SULF2: variants seen among roughly 807,000 people sequenced by gnomAD.
SULF2 encodes the protein extracellular sulfatase Sulf-2.
SULF2 carries 52 observed loss-of-function variants against 107.7 expected under a neutral mutation model. The ratio of observed to expected loss-of-function variants is 0.48; its 90% CI spans 0.39 to 0.61. The LOEUF (loss-of-function observed/expected upper bound fraction) is 0.61, where lower values mean the gene tolerates loss of function less well. Ranked by LOEUF, SULF2 falls within the 20% of genes least tolerant of loss-of-function variation. The probability of loss-of-function intolerance (pLI) is 0.00; values close to 1 mark genes in which losing one functional copy is unlikely to be tolerated. For missense variants in SULF2, 993 were observed against 1,177.3 expected (o/e 0.84, Z 2.29); for synonymous variants, 460 against 464.3 (o/e 0.99, Z 0.12).
rs112911747 is a variant in SULF2, at chr20:47,678,416, T to A, written c.1193+260A>T. The A allele has an allele frequency of 2.1e-6, 1 of 468,092 alleles. No homozygotes were observed. The highest frequency in any genetic ancestry group is 6.1e-4 in the Middle Eastern group (1 of 1,650). 29.0% of individuals were successfully genotyped at this position (468,092 alleles called of 1,614,324 possible). On this transcript the variant is annotated intron_variant, in intron 8 of 20. Transcript: ENST00000688720. This position sits in a 1 kb window ranked among gnomAD's most constrained non-coding sequence, Gnocchi z 4.5. Reference sequence around the variant, plus strand: ...CCATCTCCTACCATCACTGCTGCTATCATTTCAAGCTTTGGGTAATTTTAG... The same window carrying A: ...CCATCTCCTACCATCACTGCTGCTAACATTTCAAGCTTTGGGTAATTTTAG...
intron 1 of SULF2, among the ~76,000 whole-genome samples, chr20:47,762,732 G>A (rs1180406051): frequency 1.3e-5 from 2 of 152,210 alleles, no homozygotes; most frequent in Non-Finnish European, 2.9e-5. Context: ...TCTTCATTGG[G>A]AGCCCTGGGC....
In SULF2 at chr20:47,694,610, G is replaced by A. The variant is rs371409923; in HGVS notation, c.568-4315C>T. Among the ~76,000 whole-genome samples, 108 of 151,680 alleles carry A rather than the reference G, an allele frequency of 7.1e-4. No individual in the cohort carries two copies. Among genetic ancestry groups the A allele is most frequent in the African/African-American group, 2.4e-3 (97 of 41,042 alleles). On this transcript the variant is annotated intron_variant, in intron 4 of 20. Transcript: ENST00000688720. The surrounding 1 kb of genome is among the most constrained non-coding windows in gnomAD (Gnocchi z 4.4). ...ACAGCTGGGACCCCGAGGTGCAACC[G>A]GCCCCCTCTGGCAAGCACCCTCTGA...
intron 7 of SULF2, among the ~76,000 whole-genome samples, chr20:47,681,434 G>A (rs554977551): frequency 9.9e-5 from 15 of 152,226 alleles, no homozygotes; most frequent in Non-Finnish European, 1.8e-4. Flanking sequence ...CACAGATTCC[G>A]AGGCTGACCA....
chr20:47,672,814 C>T (rs2087522141), intron 10 of SULF2, among the ~76,000 whole-genome samples: 1 of 152,202 alleles, frequency 6.6e-6, no homozygotes, highest in South Asian at 2.1e-4. Context: ...CTGGCCTACC[C>T]ATCGGTCCTC....
At chr20:47,681,212 C>T (rs1483104378) in intron 7 of SULF2, among the ~76,000 whole-genome samples, 2 of 152,160 alleles carry the variant, frequency 1.3e-5, no homozygotes, top group Non-Finnish European at 2.9e-5. Context: ...TCCAGCCATG[C>T]CTGAGGCTGG....
At chr20:47,766,093 G>T (rs2090523339) in intron 1 of SULF2, among the ~76,000 whole-genome samples, 1 of 152,132 alleles carries the variant, frequency 6.6e-6, no homozygotes, top group South Asian at 2.1e-4. Flanking sequence ...GAAACAGAGA[G>T]AGGCCCCTGG....
At chr20:47,720,669 G>A (rs1439855916) in intron 3 of SULF2, among the ~76,000 whole-genome samples, 3 of 151,862 alleles carry the variant, frequency 2.0e-5, no homozygotes, top group Non-Finnish European at 4.4e-5. Context: ...GACTCAGGCT[G>A]CCAGCTGCCA....
rs2090912813 is a variant in SULF2 at position 47,785,454 on chromosome 20, C to CGCCGCCGCCGCT, written c.-213_-212insAGCGGCGGCGGC. 1 of 153,296 alleles carries CGCCGCCGCCGCT rather than the reference C, an allele frequency of 6.5e-6. No homozygotes were observed. Among genetic ancestry groups the CGCCGCCGCCGCT allele is most frequent in the African/African-American group, 2.6e-5 (1 of 38,780 alleles). 9.5% of individuals were successfully genotyped at this position (153,296 alleles called of 1,614,324 possible). ...GACTCCGCGCCGCCGCTGCCGCTGC[C>CGCCGCCGCCGCT]GCCGCCGCCGCCGCCGCTGCCGCTG... On this transcript the variant is annotated 5_prime_UTR_variant, in exon 1 of 21. Transcript: ENST00000688720.
intron 13 of SULF2, 112 bp from the exon 14 acceptor site, chr20:47,665,405 C>T: frequency 5.1e-6 from 4 of 785,240 alleles, no homozygotes; most frequent in South Asian, 1.5e-5. Flanking sequence ...CGGCAGCCTG[C>T]ACTCCCCGGG....
chr20:47,726,372 A>AT (rs111536289), intron 3 of SULF2, among the ~76,000 whole-genome samples: 5,229 of 146,456 alleles, frequency 0.036, 307 homozygotes, highest in African/African-American at 0.12. Context: ...TGTCCAGCTA[A>AT]TTTTTTTTTT....
intron 8 of SULF2, among the ~76,000 whole-genome samples, chr20:47,677,400 C>CTGTGTGTGTGTG (rs58936261): frequency 6.3e-5 from 9 of 143,918 alleles, no homozygotes; most frequent in African/African-American, 1.5e-4. Context: ...ACCCAAGTAA[C>CTGTGTGTGTGTG]TGTGTGTGTG....
Position 47,702,673 on chromosome 20 carries a change from G to A in SULF2, c.416-3C>T. 2 of 1,613,646 alleles carry A rather than the reference G, an allele frequency of 1.2e-6. No homozygotes were observed. The highest frequency in any genetic ancestry group is 1.7e-6 in the Non-Finnish European group (2 of 1,179,912). On this transcript the variant is annotated splice_polypyrimidine_tract_variant and splice_region_variant and intron_variant, in intron 3 of 20. Transcript: ENST00000688720. ...ATTAAGATACTTCCCGAAGAAAGCTGCGGAGGGAGATGGATCAGGAGGCCA... is the reference window on the plus strand; with the variant it reads ...ATTAAGATACTTCCCGAAGAAAGCTACGGAGGGAGATGGATCAGGAGGCCA...
chr20:47,707,155 A>AT (rs145432418), intron 3 of SULF2, among the ~76,000 whole-genome samples: 1,779 of 151,824 alleles, frequency 0.012, 33 homozygotes, highest in African/African-American at 0.041. Context: ...CACCTGGCTA[A>AT]TTTTTGTATT....
At chr20:47,751,528 G>A (rs1293817820) in intron 2 of SULF2, among the ~76,000 whole-genome samples, 6 of 152,192 alleles carry the variant, frequency 3.9e-5, no homozygotes, top group Admixed American at 6.5e-5. Flanking sequence ...CCTGTATGGT[G>A]TTCATGTGGG....
chr20:47,778,028 C>T (rs998616140), intron 1 of SULF2, among the ~76,000 whole-genome samples: 3 of 151,890 alleles, frequency 2.0e-5, no homozygotes, highest in African/African-American at 7.3e-5. Flanking sequence ...ATAGTCCCAC[C>T]TACTTGGGAG....
At chr20:47,765,815 C>G (rs1455810444) in intron 1 of SULF2, among the ~76,000 whole-genome samples, 1 of 152,212 alleles carries the variant, frequency 6.6e-6, no homozygotes, top group Non-Finnish European at 1.5e-5. Context: ...AGAGCCTACT[C>G]TTTTGACACT....
At chr20:47,759,873 T>C (rs1299916862) in intron 1 of SULF2, among the ~76,000 whole-genome samples, 2 of 152,248 alleles carry the variant, frequency 1.3e-5, no homozygotes, top group Non-Finnish European at 2.9e-5. Context: ...TACTGCAGCC[T>C]GCAATTTCTT....
At chr20:47,771,296 T>C (rs533251097) in intron 1 of SULF2, among the ~76,000 whole-genome samples, 1 of 152,306 alleles carries the variant, frequency 6.6e-6, no homozygotes, top group Admixed American at 6.5e-5. Flanking sequence ...CAGGGGGTTC[T>C]GAGCAGGGCA....
intron 1 of SULF2, among the ~76,000 whole-genome samples, chr20:47,782,503 C>T (rs1001203820): frequency 6.6e-6 from 1 of 152,168 alleles, no homozygotes; most frequent in African/African-American, 2.4e-5. Flanking sequence ...TTGAGAGAGG[C>T]CCCCATCTTC....
Sources: gnomAD v4.1 joint callset for allele counts (sites outside exome capture counted in the v4.1 genomes callset) on GRCh38, gnomAD v4.1.1 for gene constraint, Gnocchi (gnomAD v3.1) non-coding constraint, MANE v1.5 for transcripts, NCBI Gene and HGNC (gene_info 2026-07-23, HGNC 2026-07-21) for gene names.